Variants in DRICH1 observed in about 807,000 individuals in gnomAD.
DRICH1 encodes aspartate rich 1.
A neutral mutation model predicts 39.5 loss-of-function variants in DRICH1; 38 were observed. That is an observed-to-expected ratio of 0.96 (90% CI 0.74 to 1.26). DRICH1 has a LOEUF of 1.26. Among genes scored for constraint, DRICH1 ranks in the 50% most tolerant of loss-of-function variants. The pLI is 0.00. For missense variants in DRICH1, 279 were observed against 270.4 expected (o/e 1.03, Z -0.22); for synonymous variants, 84 against 99.5 (o/e 0.84, Z 0.93).
rs1926856346 is a variant in DRICH1 at position 23,608,518 on chromosome 22, C to T, written c.*246G>A. 2 of 527,902 alleles carry T rather than the reference C, an allele frequency of 3.8e-6. No homozygotes were observed. The highest frequency in any genetic ancestry group is 6.8e-6 in the Non-Finnish European group (2 of 293,760). 32.7% of individuals were successfully genotyped at this position (527,902 alleles called of 1,614,324 possible). A position where few individuals can be genotyped will look rare whatever the true frequency, so the allele number is the denominator to read the frequency against. ...TTCTGCTCGTGGAGCACAGTCACGT[C>T]TCTTCTCACTCTCTTGCCAAAGGAG... is the stretch of plus-strand genomic sequence containing the variant. On this transcript the variant is annotated 3_prime_UTR_variant, in exon 12 of 12. Coordinates refer to ENST00000317749, the MANE Select transcript of DRICH1 (RefSeq NM_016449.4).
At position 23,608,564 on chromosome 22, in the gene DRICH1, C is replaced by A; in HGVS notation, c.*200G>T. 1.8e-6 allele frequency: 1 copy of A among 545,640 alleles called. No individual in the cohort carries two copies. Among genetic ancestry groups the A allele is most frequent in the South Asian group, 2.7e-5 (1 of 37,540 alleles). 33.8% of individuals were successfully genotyped at this position (545,640 alleles called of 1,614,324 possible). The stretch of plus-strand genomic sequence containing the variant: ...AGGAGAAATGCCAGGCCCAGAAGCA[C>A]TGGGTCCTGGATGGTACAGGCCAAA... On this transcript the variant is annotated 3_prime_UTR_variant, in exon 12 of 12. Coordinates refer to ENST00000317749, the MANE Select transcript of DRICH1 (RefSeq NM_016449.4).
At chr22:23,614,774 T>G (rs1927254494) in intron 8 of DRICH1, among the ~76,000 whole-genome samples, 1 of 152,200 alleles carries the variant, frequency 6.6e-6, no homozygotes, top group African/African-American at 2.4e-5. Flanking sequence ...TTCCTCTTTG[T>G]AAGTCTTCTT....
At chr22:23,587,845 T>C in the DRICH1 span, among the ~76,000 whole-genome samples, 9 of 152,332 alleles carry the variant, frequency 5.9e-5, no homozygotes, top group East Asian at 1.7e-3. Flanking sequence ...TGAGCTTCAG[T>C]GCCCACCTTA....
chr22:23,592,879 C>A, the DRICH1 span, among the ~76,000 whole-genome samples: 2,380 of 127,130 alleles, frequency 0.019, 12 homozygotes, highest in East Asian at 0.042. Context: ...CACACACACA[C>A]AAAATTAGCT....
At chr22:23,597,376 G>A in the DRICH1 span, among the ~76,000 whole-genome samples, 1 of 145,168 alleles carries the variant, frequency 6.9e-6, no homozygotes, top group African/African-American at 2.6e-5. Flanking sequence ...TCACCTATAG[G>A]TGCAGCTATG....
At chr22:23,621,473 G>A (rs1276234083) in intron 4 of DRICH1, among the ~76,000 whole-genome samples, 1 of 151,818 alleles carries the variant, frequency 6.6e-6, no homozygotes, top group Non-Finnish European at 1.5e-5. Context: ...TGACACCCAC[G>A]AAGATTGTGA....
At chr22:23,603,281 C>T in the DRICH1 span, among the ~76,000 whole-genome samples, 3 of 151,958 alleles carry the variant, frequency 2.0e-5, no homozygotes, top group Admixed American at 6.6e-5. Flanking sequence ...AGAATGCCCG[C>T]TACTCCCCAT....
At chr22:23,587,191 C>T in the DRICH1 span, among the ~76,000 whole-genome samples, 5 of 152,164 alleles carry the variant, frequency 3.3e-5, no homozygotes. Flanking sequence ...GGGTGCCCCT[C>T]CCCCCATGCT....
Position 23,632,073 on chromosome 22 carries a change from T to C in DRICH1, c.-50A>G. 6.2e-7 allele frequency: 1 copy of C among 1,608,958 alleles called. No individual in the cohort carries two copies. The highest frequency in any genetic ancestry group is 8.5e-7 in the Non-Finnish European group (1 of 1,178,008). ...CCTGCCTCAGCCTTCAGCGAAATTG[T>C]AACTGTGCTGCCCTAGCAGCCACAC... On this transcript the variant is annotated 5_prime_UTR_variant, in exon 1 of 12. Transcript: ENST00000317749.
the DRICH1 span, among the ~76,000 whole-genome samples, chr22:23,596,526 T>C: frequency 6.6e-6 from 1 of 152,216 alleles, no homozygotes; most frequent in Non-Finnish European, 1.5e-5. Flanking sequence ...GCTCTGCATT[T>C]TCTTCTGAGC....
chr22:23,620,951 A>G (rs138642771), intron 4 of DRICH1, among the ~76,000 whole-genome samples: 3 of 152,140 alleles, frequency 2.0e-5, no homozygotes, highest in Non-Finnish European at 4.4e-5. Flanking sequence ...AAAACATCCT[A>G]GTGTGTCATG....
chr22:23,629,913 G>A (rs973328567), intron 1 of DRICH1, among the ~76,000 whole-genome samples: 2 of 152,136 alleles, frequency 1.3e-5, no homozygotes, highest in African/African-American at 2.4e-5. Flanking sequence ...CACCGTGCCC[G>A]GCCATGGATT....
At chr22:23,618,893 T>G (rs1354207363) in intron 6 of DRICH1, among the ~76,000 whole-genome samples, 1 of 151,944 alleles carries the variant, frequency 6.6e-6, no homozygotes, top group Non-Finnish European at 1.5e-5. Flanking sequence ...CACAAATTTG[T>G]CCAGGCGCGG....
At chr22:23,603,231 T>A in the DRICH1 span, among the ~76,000 whole-genome samples, 8 of 151,204 alleles carry the variant, frequency 5.3e-5, no homozygotes, top group Admixed American at 5.3e-4. Context: ...TGATTTTTCA[T>A]ACATGTTTCT....
the DRICH1 span, among the ~76,000 whole-genome samples, chr22:23,595,074 CCCT>C: frequency 1.3e-5 from 2 of 148,856 alleles, no homozygotes; most frequent in Non-Finnish European, 3.0e-5. Flanking sequence ...TCCTCAGTGT[CCCT>C]CCTCCGTGTG....
At chr22:23,615,495 A>C (rs1927303301) in intron 8 of DRICH1, among the ~76,000 whole-genome samples, 1 of 152,218 alleles carries the variant, frequency 6.6e-6, no homozygotes, top group Non-Finnish European at 1.5e-5. Flanking sequence ...CAACATGAAG[A>C]TCCTCGGAAG....
chr22:23,614,760 T>C (rs1282974863), intron 8 of DRICH1, among the ~76,000 whole-genome samples: 1 of 152,248 alleles, frequency 6.6e-6, no homozygotes, highest in South Asian at 2.1e-4. Context: ...AAAATAGTCA[T>C]GATTTCCTCT....
intron 1 of DRICH1, 90 bp downstream of exon 1, chr22:23,631,726 T>C: frequency 9.3e-7 from 1 of 1,074,700 alleles, no homozygotes; most frequent in South Asian, 1.4e-5. Context: ...AGCTGGAAGC[T>C]GAGGATGTCT....
intron 1 of DRICH1, among the ~76,000 whole-genome samples, chr22:23,631,393 G>A (rs1347217260): frequency 1.3e-5 from 2 of 151,552 alleles, no homozygotes; most frequent in Non-Finnish European, 2.9e-5. Context: ...TCCAGCCTGG[G>A]CAACAGAGCA....
Sources: gnomAD v4.1 joint callset for allele counts (sites outside exome capture counted in the v4.1 genomes callset) on GRCh38, gnomAD v4.1.1 for gene constraint, MANE v1.5 for transcripts, NCBI Gene and HGNC (gene_info 2026-07-23, HGNC 2026-07-21) for gene names.